The following SHOC1 variants were observed in gnomAD, a reference collection of about 807,000 sequenced individuals.
SHOC1 encodes the protein shortage in chiasmata 1, also known as protein shortage in chiasmata 1 ortholog.
Under a neutral mutation model 179.2 loss-of-function variants are expected in SHOC1, and 136 were observed. The observed-to-expected ratio is 0.76, with a 90% CI of 0.66 to 0.87. SHOC1 has a LOEUF of 0.87. Ranked by LOEUF, SHOC1 falls within the 40% of genes least tolerant of loss-of-function variation. SHOC1 has a pLI of 0.00. For synonymous variants in SHOC1, 489 were observed against 586.6 expected (o/e 0.83, Z 2.41); for missense variants, 1,538 against 1,700.8 (o/e 0.90, Z 1.68).
intron 16 of SHOC1, among the ~76,000 whole-genome samples, chr9:111,715,667 T>C (rs972601541): frequency 6.6e-5 from 10 of 152,306 alleles, no homozygotes; most frequent in African/African-American, 2.2e-4. Context: ...CATGGAACTG[T>C]TGGCAACATT....
Position 111,738,448 on chromosome 9 carries a change from T to G in SHOC1, c.1249A>C (p.Ser417Arg). The change falls in exon 12 of 28, where the codon AGC becomes CGC. Residue 417 changes from serine to arginine, a missense_variant. Transcript: ENST00000682961. Reference sequence around the variant, plus strand: ...GCCTTTTCCAGATTAATCACAAGGCTTTCTTCTTTAACAGAAAATATCTTT... The same window carrying G: ...GCCTTTTCCAGATTAATCACAAGGCGTTCTTCTTTAACAGAAAATATCTTT... ...LKKIFSVKEE[S>R]LVINLEKAEW... is the part of the protein sequence containing the mutation. The G allele has an allele frequency of 6.2e-7, 1 of 1,609,670 alleles. No individual in the cohort carries two copies. The highest frequency in any genetic ancestry group is 8.5e-7 in the Non-Finnish European group (1 of 1,178,758).
intron 8 of SHOC1, among the ~76,000 whole-genome samples, chr9:111,754,003 T>C (rs1281887567): frequency 2.6e-5 from 4 of 152,134 alleles, no homozygotes; most frequent in Admixed American, 1.3e-4. Flanking sequence ...AATAATGCAT[T>C]GTACACTTTA....
intron 15 of SHOC1, among the ~76,000 whole-genome samples, chr9:111,721,641 C>T (rs1197620372): frequency 1.3e-5 from 2 of 152,136 alleles, no homozygotes; most frequent in African/African-American, 4.8e-5. Context: ...CACCTGGCCA[C>T]CTCACATATA....
At chr9:111,775,499 T>C (rs1413895438) in intron 5 of SHOC1, among the ~76,000 whole-genome samples, 1 of 152,182 alleles carries the variant, frequency 6.6e-6, no homozygotes, top group Non-Finnish European at 1.5e-5. Flanking sequence ...TGCTATATCA[T>C]GGGATCTTAA....
Position 111,745,537 on chromosome 9 carries a change from A to G in SHOC1, c.1079+697T>C, listed in dbSNP as rs577571942. Among the ~76,000 whole-genome samples, 12 of 152,336 alleles carry G rather than the reference A, an allele frequency of 7.9e-5. No individual in the cohort carries two copies. The East Asian group carries it at 2.3e-3, about 29-fold the overall frequency. The stretch of plus-strand genomic sequence containing the variant: ...TAAGTTAAACAGGGCCATTAATACA[A>G]TGTGACTGGTATCCTTATAAGAACA... On this transcript the variant is annotated intron_variant, in intron 10 of 27. Coordinates refer to ENST00000682961, the MANE Select transcript of SHOC1 (RefSeq NM_001378211.1).
chr9:111,727,929 CAT>C lies in SHOC1; in HGVS notation c.1536_1537del (p.Cys513PhefsTer3), dbSNP rs776078462. 8.1e-6 allele frequency: 13 copies of C among 1,613,264 alleles called. No homozygotes were observed. Among genetic ancestry groups the C allele is most frequent in the South Asian group, 1.1e-5 (1 of 91,010 alleles). On this transcript the variant is annotated frameshift_variant, in exon 13 of 28. Coordinates refer to ENST00000682961, the MANE Select transcript of SHOC1 (RefSeq NM_001378211.1). LOFTEE classifies it high-confidence loss of function. ...ATCAGAGAAATAGTCATCAGAAAAA[CAT>C]AGATCTGGTACTTCTTTTGCCAGAG...
At chr9:111,767,024 C>T (rs1456276728) in intron 5 of SHOC1, among the ~76,000 whole-genome samples, 2 of 97,806 alleles carry the variant, frequency 2.0e-5, no homozygotes, top group African/African-American at 7.8e-5. Flanking sequence ...TATCTTTTGC[C>T]CATTTTTAAT....
intron 23 of SHOC1, among the ~76,000 whole-genome samples, chr9:111,701,797 C>A (rs1307659872): frequency 6.6e-6 from 1 of 151,918 alleles, no homozygotes; most frequent in African/African-American, 2.4e-5. Context: ...CAAGTGTATA[C>A]AAAAAATTTA....
In SHOC1 at chr9:111,727,802, T is replaced by G; in HGVS notation, c.1665A>C (p.Thr555=). 6.2e-7 allele frequency: 1 copy of G among 1,612,980 alleles called. No homozygotes were observed. Residue 555 remains threonine, a synonymous_variant, in exon 13 of 28, where the codon ACA becomes ACC. Coordinates refer to ENST00000682961, the MANE Select transcript of SHOC1 (RefSeq NM_001378211.1). ...ENNDHFELDC[T]GPSIKSPSSS... is the part of the protein sequence containing the mutation. ...AGGAAGGTGATTTAATAGATGGTCC[T>G]GTGCAGTCAAGTTCAAAGTGATCGT...
intron 7 of SHOC1, 133 bp downstream of exon 7, chr9:111,757,951 T>G: frequency 1.9e-6 from 1 of 529,924 alleles, no homozygotes; most frequent in South Asian, 3.0e-5. Flanking sequence ...ATTTGACTTC[T>G]TAATTGATAC....
rs1186097509 is a variant in SHOC1, at chr9:111,779,098, C to CA, written c.257+1831dup. On this transcript the variant is annotated intron_variant, in intron 4 of 27. Transcript: ENST00000682961. ...TAGGCGACAGAGCGAGACTCTGTGT[C>CA]AAAAAAAAAAAAAAAAAGAGAGAGA... Among the ~76,000 whole-genome samples, 718 of 109,314 alleles carry CA rather than the reference C, an allele frequency of 6.6e-3. 6 individuals are homozygous for CA. Among genetic ancestry groups the CA allele is most frequent in the Non-Finnish European group, 0.01 (537 of 52,088 alleles). The allele number at this position is 109,314 out of a possible 152,430, so 71.7% of individuals were successfully genotyped here. A position where few individuals can be genotyped will look rare whatever the true frequency, so the allele number is the denominator to read the frequency against.
At chr9:111,699,124 A>G (rs1260412664) in intron 24 of SHOC1, among the ~76,000 whole-genome samples, 1 of 152,152 alleles carries the variant, frequency 6.6e-6, no homozygotes, top group Admixed American at 6.6e-5. Flanking sequence ...GAAAGAGTAG[A>G]AAAGGGATAT....
intron 12 of SHOC1, among the ~76,000 whole-genome samples, chr9:111,735,232 C>T (rs529083980): frequency 2.0e-5 from 3 of 151,818 alleles, no homozygotes; most frequent in Non-Finnish European, 2.9e-5. Flanking sequence ...ATGTGCAGAA[C>T]GTGTAGGTTT....
intron 8 of SHOC1, among the ~76,000 whole-genome samples, chr9:111,755,806 C>T (rs753936709): frequency 3.9e-5 from 6 of 152,046 alleles, no homozygotes; most frequent in Admixed American, 2.6e-4. Flanking sequence ...ATTTCAGAGA[C>T]GTTTTAAACC....
At chr9:111,742,363 G>A (rs1834082616) in intron 10 of SHOC1, among the ~76,000 whole-genome samples, 1 of 152,084 alleles carries the variant, frequency 6.6e-6, no homozygotes, top group Non-Finnish European at 1.5e-5. Context: ...ACTGGCTGAG[G>A]ATCAGAACTG....
At chr9:111,755,069 T>C (rs1834794853) in intron 8 of SHOC1, among the ~76,000 whole-genome samples, 1 of 152,250 alleles carries the variant, frequency 6.6e-6, no homozygotes, top group African/African-American at 2.4e-5. Flanking sequence ...CAATAATGTG[T>C]ATAAGTTTCC....
intron 21 of SHOC1, 83 bp downstream of exon 21, chr9:111,705,164 T>TACACACAC (rs1452730011): frequency 2.7e-3 from 218 of 81,398 alleles, no homozygotes; most frequent in Non-Finnish European, 2.9e-3. Flanking sequence ...CCTATCAGAA[T>TACACACAC]ATATATACAC....
intron 12 of SHOC1, among the ~76,000 whole-genome samples, chr9:111,735,400 G>A (rs762558515): frequency 6.6e-6 from 1 of 151,976 alleles, no homozygotes; most frequent in African/African-American, 2.4e-5. Flanking sequence ...TGTTCTCATT[G>A]TTCAACTCTC....
At chr9:111,715,316 T>A (rs1232938611) in intron 16 of SHOC1, among the ~76,000 whole-genome samples, 2 of 152,218 alleles carry the variant, frequency 1.3e-5, no homozygotes, top group East Asian at 3.8e-4. Context: ...GGGTAACAAA[T>A]GAAATAATAA....
Sources: gnomAD v4.1 joint callset for allele counts (sites outside exome capture counted in the v4.1 genomes callset) on GRCh38, gnomAD v4.1.1 for gene constraint, MANE v1.5 for transcripts, NCBI Gene and HGNC (gene_info 2026-07-23, HGNC 2026-07-21) for gene names.